Variants in VSIG10L2 observed in about 807,000 individuals in gnomAD.
VSIG10L2 encodes the protein V-set and immunoglobulin domain containing 10 like 2, also known as V-set and immunoglobulin domain-containing protein 10-like 2.
In VSIG10L2, 56 loss-of-function variants were observed where a neutral mutation model predicts 67.1. That is an observed-to-expected ratio of 0.83 (90% CI 0.67 to 1.04). The LOEUF (loss-of-function observed/expected upper bound fraction) is 1.04, where lower values mean the gene tolerates loss of function less well. Ranked by LOEUF, VSIG10L2 falls within the 50% of genes least tolerant of loss-of-function variation. The pLI is 0.00. For missense variants in VSIG10L2, 843 were observed against 932.8 expected, an observed-to-expected ratio of 0.90 and a Z score of 1.25; for synonymous variants, 360 against 396.6, an observed-to-expected ratio of 0.91 and a Z score of 1.10.
rs1945324018 is a variant in VSIG10L2 at position 125,948,533 on chromosome 11, A to G, written c.662A>G (p.Asn221Ser). Residue 221 changes from asparagine to serine, a missense_variant, in exon 3 of 12, where the codon AAC (asparagine) becomes AGC (serine). By Grantham distance (46) the Asn-to-Ser change is conservative. This residue lies in a region of VSIG10L2 where 446 missense variants were observed against 548.4 expected (regional missense o/e 0.81). Transcript: ENST00000686984. ...HLGWYMCSAS[N>S]SVNRLSSDGA... ...GGGTGGTACATGTGCAGCGCCAGCA[A>G]CTCCGTGAACAGGCTGAGCAGTGAC... The G allele has an allele frequency of 4.9e-6, 6 of 1,232,084 alleles. No individual in the cohort carries two copies. Among genetic ancestry groups the G allele is most frequent in the Non-Finnish European group, 6.1e-6 (6 of 987,980 alleles). 76.3% of individuals were successfully genotyped at this position (1,232,084 alleles called of 1,614,324 possible).
Position 125,950,232 on chromosome 11 carries a change from G to T in VSIG10L2, c.928G>T (p.Ala310Ser). Residue 310 changes from alanine (A) to serine (S), a missense_variant, in exon 4 of 12, where the codon GCC becomes TCC. This residue lies in a region of VSIG10L2 where 446 missense variants were observed against 548.4 expected (regional missense o/e 0.81). Coordinates refer to ENST00000686984, the MANE Select transcript of VSIG10L2 (RefSeq NM_001365077.2). ...CCACACAGGCCTGTACACCTGCCTG[G>T]CCCGCAACAGCTACCTGGACACCCG... ...RVHTGLYTCL[A>S]RNSYLDTRTQ... The T allele has an allele frequency of 4.9e-6, 6 of 1,232,502 alleles. No homozygotes were observed. The highest frequency in any genetic ancestry group is 6.1e-6 in the Non-Finnish European group (6 of 988,238). The allele number at this position is 1,232,502 out of a possible 1,614,324, so 76.3% of individuals were successfully genotyped here.
At chr11:125,951,439 G>A (rs769154443) in intron 5 of VSIG10L2, among the ~76,000 whole-genome samples, 8 of 152,140 alleles carry the variant, frequency 5.3e-5, no homozygotes, top group Non-Finnish European at 8.8e-5. Flanking sequence ...CCCTTACACT[G>A]CACTTCTACC....
rs1337685028 is a variant in VSIG10L2, at chr11:125,947,827, T to C, written c.224T>C (p.Leu75Pro). 5.7e-6 allele frequency: 7 copies of C among 1,232,384 alleles called. No individual in the cohort carries two copies. In the East Asian group the frequency reaches 1.3e-4, roughly 22 times the overall value. The allele number at this position is 1,232,384 out of a possible 1,614,324, so 76.3% of individuals were successfully genotyped here. Residue 75 changes from leucine (L) to proline (P), a missense_variant, in exon 2 of 12, where the codon CTG (leucine) becomes CCG (proline). Coordinates refer to ENST00000686984, the MANE Select transcript of VSIG10L2 (RefSeq NM_001365077.2). ...TGGAGCTTCACCCCCCTGGGCTCCC[T>C]GGTTCCCCGGCCTGTGGCCGTCACC... is the stretch of plus-strand genomic sequence containing the variant. ...VLWSFTPLGS[L>P]VPRPVAVTDG... is the part of the protein sequence containing the mutation.
Position 125,952,494 on chromosome 11 carries a change from C to A in VSIG10L2, c.1495+421C>A, listed in dbSNP as rs1418087640. 2.0e-5 allele frequency among the ~76,000 whole-genome samples: 3 copies of A among 152,326 alleles called. No individual in the cohort carries two copies. In the East Asian group the frequency reaches 5.8e-4, roughly 29 times the overall value. Reference sequence around the variant, plus strand: ...ATCTGGTATATATACAATTACTGCACATCTCAATCTGGACTGGCCACATTT... The same window carrying A: ...ATCTGGTATATATACAATTACTGCAAATCTCAATCTGGACTGGCCACATTT... On this transcript the variant is annotated intron_variant, in intron 6 of 11. Transcript: ENST00000686984.
In VSIG10L2 at chr11:125,951,865, G is replaced by A. The variant is rs2134305161; in HGVS notation, c.1287G>A (p.Gln429=). 2.6e-6 allele frequency: 4 copies of A among 1,531,796 alleles called. No individual in the cohort carries two copies. The highest frequency in any genetic ancestry group is 2.4e-5 in the East Asian group (1 of 40,832). 94.9% of individuals were successfully genotyped at this position (1,531,796 alleles called of 1,614,324 possible). A position where few individuals can be genotyped will look rare whatever the true frequency, so the allele number is the denominator to read the frequency against. ...TCWSTATMGD[Q]FIMLSCEWPG... ...GGAGCACAGCCACAATGGGGGACCA[G>A]TTCATCATGCTGAGCTGCGAGTGGC... is the stretch of plus-strand genomic sequence containing the variant. The change falls in exon 6 of 12, where the codon CAG becomes CAA. Residue 429 remains glutamine, a synonymous_variant. Coordinates refer to ENST00000686984, the MANE Select transcript of VSIG10L2 (RefSeq NM_001365077.2).
At chr11:125,954,816 T>C (rs1945431047) in intron 8 of VSIG10L2, among the ~76,000 whole-genome samples, 1 of 152,134 alleles carries the variant, frequency 6.6e-6, no homozygotes, top group African/African-American at 2.4e-5. Flanking sequence ...CCTTTTGTCT[T>C]CTGCACCAGA....
At chr11:125,955,550 C>T in intron 10 of VSIG10L2, 44 bp downstream of exon 10, 1 of 1,374,954 alleles carries the variant, frequency 7.3e-7, no homozygotes, top group Non-Finnish European at 9.9e-7. Context: ...GGGCTTTCCT[C>T]CAGTTGGAAA....
chr11:125,952,013 TTCACCTGCCGGGGCAC>T lies in VSIG10L2; in HGVS notation c.1444_1459del (p.Arg482SerfsTer109), dbSNP rs1945382039. ...CCAAGAAGATCTGGCTGGCAGAGAG[TTCACCTGCCGGGGCAC>T]TCACCTGCTCAGGACCCCTGACCCC... is the stretch of plus-strand genomic sequence containing the variant. On this transcript the variant is annotated frameshift_variant, in exon 6 of 12. Coordinates refer to ENST00000686984, the MANE Select transcript of VSIG10L2 (RefSeq NM_001365077.2). LOFTEE classifies it high-confidence loss of function. 25 of 1,535,818 alleles carry T rather than the reference TTCACCTGCCGGGGCAC, an allele frequency of 1.6e-5. No homozygotes were observed. The highest frequency in any genetic ancestry group is 1.7e-4 in the Middle Eastern group (1 of 6,012).
Position 125,956,230 on chromosome 11 carries a change from T to C in VSIG10L2, c.*316T>C. On this transcript the variant is annotated 3_prime_UTR_variant, in exon 12 of 12. Coordinates refer to ENST00000686984, the MANE Select transcript of VSIG10L2 (RefSeq NM_001365077.2). ...TGGTACTGGGAAGGATCTGTGGTGC[T>C]ATAGAAGTATGAGCAAGCTAGCTGC... 1.9e-6 allele frequency: 1 copy of C among 532,742 alleles called. No homozygotes were observed. The highest frequency in any genetic ancestry group is 3.6e-6 in the Non-Finnish European group (1 of 278,500). 33.0% of individuals were successfully genotyped at this position (532,742 alleles called of 1,614,324 possible).
chr11:125,948,598 G>T lies in VSIG10L2; in HGVS notation c.709+18G>T, dbSNP rs572268309. The T allele has an allele frequency of 5.7e-6, 7 of 1,231,812 alleles. No homozygotes were observed. The African/African-American group carries it at 6.2e-5, about 11-fold the overall frequency. 76.3% of individuals were successfully genotyped at this position (1,231,812 alleles called of 1,614,324 possible). A position where few individuals can be genotyped will look rare whatever the true frequency, so the allele number is the denominator to read the frequency against. ...CGTCATTTGTGAGTCAGACTGTGGTGGGGGGGCTGTCAGGGCTGACACCCA... is the reference window on the plus strand; with the variant it reads ...CGTCATTTGTGAGTCAGACTGTGGTTGGGGGGCTGTCAGGGCTGACACCCA... On this transcript the variant is annotated intron_variant, in intron 3 of 11. Coordinates refer to ENST00000686984, the MANE Select transcript of VSIG10L2 (RefSeq NM_001365077.2).
chr11:125,955,504 C>A lies in VSIG10L2; in HGVS notation c.2229C>A (p.Pro743=). Residue 743 remains proline (P), a splice_region_variant and synonymous_variant, in exon 10 of 12, where the codon CCC becomes CCA. Transcript: ENST00000686984. ...CAGGCCTTGGTCAATTGCTTGTTCC[C>A]ACGTGAGTGTGGAACCCCAGTCATC... is the stretch of plus-strand genomic sequence containing the variant. ...TFPRLGQLLV[P]TEQRHQQRGS... The A allele has an allele frequency of 1.1e-6, 1 of 947,296 alleles. No individual in the cohort carries two copies. The highest frequency in any genetic ancestry group is 1.6e-6 in the Non-Finnish European group (1 of 631,294). The allele number at this position is 947,296 out of a possible 1,614,324, so 58.7% of individuals were successfully genotyped here.
chr11:125,953,649 C>T lies in VSIG10L2; in HGVS notation c.1745C>T (p.Ala582Val). 1.6e-6 allele frequency: 2 copies of T among 1,232,280 alleles called. No individual in the cohort carries two copies. Among genetic ancestry groups the T allele is most frequent in the Non-Finnish European group, 2.0e-6 (2 of 988,030 alleles). The allele number at this position is 1,232,280 out of a possible 1,614,324, so 76.3% of individuals were successfully genotyped here. ...RGTYQCVARN[A>V]VGNSSQSVLL... ...ACCTACCAATGCGTGGCCCGCAACG[C>T]CGTGGGCAATAGCAGTCAGAGTGTG... The change falls in exon 7 of 12, where the codon GCC becomes GTC. Residue 582 changes from alanine to valine, a missense_variant. Physicochemically the swap from Ala to Val is moderately conservative, Grantham distance 64. Coordinates refer to ENST00000686984, the MANE Select transcript of VSIG10L2 (RefSeq NM_001365077.2).
In VSIG10L2 at chr11:125,947,982, G is replaced by A. The variant is rs1316921997; in HGVS notation, c.379G>A (p.Val127Met). ...RGHFLCQVLH[V>M]AGGQLHAAYS... is the part of the protein sequence containing the mutation. The stretch of plus-strand genomic sequence containing the variant: ...CCACTTCCTATGCCAGGTTCTGCAC[G>A]TGGCTGGCGGCCAGCTCCACGCTGC... Residue 127 changes from valine to methionine, a missense_variant, in exon 2 of 12, where the codon GTG (valine) becomes ATG (methionine). Around this residue, in one of 2 missense-constraint regions of VSIG10L2, gnomAD observed 446 missense variants for 548.4 expected, o/e 0.81. Coordinates refer to ENST00000686984, the MANE Select transcript of VSIG10L2 (RefSeq NM_001365077.2). The A allele has an allele frequency of 1.1e-5, 14 of 1,232,162 alleles. No individual in the cohort carries two copies. Among genetic ancestry groups the A allele is most frequent in the South Asian group, 4.1e-5 (1 of 24,326 alleles). 76.3% of individuals were successfully genotyped at this position (1,232,162 alleles called of 1,614,324 possible).
chr11:125,948,622 C>G, intron 3 of VSIG10L2, 42 bp downstream of exon 3: 1 of 1,231,420 alleles, frequency 8.1e-7, no homozygotes, highest in Non-Finnish European at 1.0e-6. Context: ...GGCTGACACC[C>G]ATCTCCCCAT....
rs1223417858 is a variant in VSIG10L2 at position 125,955,859 on chromosome 11, A to T, written c.2327A>T (p.Gln776Leu). The change falls in exon 12 of 12, where the codon CAA becomes CTA. Residue 776 changes from glutamine (Q) to leucine (L), a missense_variant. Physicochemically the swap from Gln to Leu is moderately radical, Grantham distance 113. Around this residue, in one of 2 missense-constraint regions of VSIG10L2, gnomAD observed 397 missense variants for 384.4 expected, o/e 1.03. Coordinates refer to ENST00000686984, the MANE Select transcript of VSIG10L2 (RefSeq NM_001365077.2). ...PTTTPGLDPA[Q>L]ETTDSPVNVT... ...ACCACCCCAGGTTTGGATCCTGCACAAGAAACCACGGATTCTCCAGTGAAT... is the reference window on the plus strand; with the variant it reads ...ACCACCCCAGGTTTGGATCCTGCACTAGAAACCACGGATTCTCCAGTGAAT... 2.9e-6 allele frequency: 2 copies of T among 698,440 alleles called. No individual in the cohort carries two copies. The highest frequency in any genetic ancestry group is 5.4e-5 in the East Asian group (2 of 37,272). 43.3% of individuals were successfully genotyped at this position (698,440 alleles called of 1,614,324 possible).
Position 125,952,040 on chromosome 11 carries a change from A to G in VSIG10L2, c.1462A>G (p.Arg488Gly), listed in dbSNP as rs1205371174. The G allele has an allele frequency of 6.5e-7, 1 of 1,535,590 alleles. No individual in the cohort carries two copies. Among genetic ancestry groups the G allele is most frequent in the Non-Finnish European group, 8.7e-7 (1 of 1,146,498 alleles). Residue 488 changes from arginine to glycine, a missense_variant, in exon 6 of 12, where the codon AGG (arginine) becomes GGG (glycine). This residue lies in a region of VSIG10L2 where 397 missense variants were observed against 384.4 expected (regional missense o/e 1.03). Transcript: ENST00000686984. ...EFTCRGTHLL[R>G]TPDPHCHLQL... The stretch of plus-strand genomic sequence containing the variant: ...CACCTGCCGGGGCACTCACCTGCTC[A>G]GGACCCCTGACCCCCACTGCCACCT...
In VSIG10L2 at chr11:125,947,928, C is replaced by A; in HGVS notation, c.325C>A (p.Leu109Met). 6 of 1,232,330 alleles carry A rather than the reference C, an allele frequency of 4.9e-6. No individual in the cohort carries two copies. The highest frequency in any genetic ancestry group is 6.1e-6 in the Non-Finnish European group (6 of 988,092). The allele number at this position is 1,232,330 out of a possible 1,614,324, so 76.3% of individuals were successfully genotyped here. Residue 109 changes from leucine (L) to methionine (M), a missense_variant, in exon 2 of 12, where the codon CTG becomes ATG. By Grantham distance (15) the Leu-to-Met change is conservative. Transcript: ENST00000686984. ...GAGTCTGAGGAACAGCAGCCTGGTG[C>A]TGGGGGAGCTTCACGAGGGTGCCCG... ...VVSLRNSSLVLGELHEGARGH... is the reference protein window; with the variant it reads ...VVSLRNSSLVMGELHEGARGH...
intron 1 of VSIG10L2, 172 bp from the exon 2 acceptor site, chr11:125,947,514 A>G: frequency 3.0e-6 from 3 of 985,382 alleles, no homozygotes; most frequent in Non-Finnish European, 3.6e-6. Flanking sequence ...AGAGGCTCCC[A>G]CACAAACTGT....
chr11:125,949,378 G>A (rs760030878), intron 3 of VSIG10L2, among the ~76,000 whole-genome samples: 4 of 152,194 alleles, frequency 2.6e-5, no homozygotes, highest in African/African-American at 4.8e-5. Context: ...ACGTTTTAAG[G>A]AGCGAGGACG....
Sources: allele counts gnomAD v4.1 joint callset (sites outside exome capture counted in the v4.1 genomes callset), GRCh38; gene constraint gnomAD v4.1.1; regional missense constraint gnomAD v4.1.1; transcripts MANE v1.5; gene names NCBI Gene and HGNC (gene_info 2026-07-23, HGNC 2026-07-21).